Variants in DNAJA3 observed in about 807,000 individuals in gnomAD.
The protein encoded by DNAJA3 is dnaJ homolog subfamily A member 3, mitochondrial.
A neutral mutation model predicts 54.9 loss-of-function variants in DNAJA3; 29 were observed. The ratio of observed to expected loss-of-function variants is 0.53; its 90% CI spans 0.39 to 0.72. The LOEUF is 0.72. Ranked by LOEUF, DNAJA3 falls within the 30% of genes least tolerant of loss-of-function variation. The pLI is 0.00. For synonymous variants in DNAJA3, 302 were observed against 251.4 expected (o/e 1.20, Z -1.90); for missense variants, 708 against 639.4 (o/e 1.11, Z -1.16).
chr16:4,446,526 G>A (rs1213232510), intron 7 of DNAJA3, among the ~76,000 whole-genome samples: 1 of 151,900 alleles, frequency 6.6e-6, no homozygotes, highest in Non-Finnish European at 1.5e-5. Flanking sequence ...TTACAGGTGT[G>A]TGCCACTGTG....
intron 3 of DNAJA3, among the ~76,000 whole-genome samples, chr16:4,440,008 C>T (rs1024024949): frequency 6.0e-4 from 92 of 152,134 alleles, no homozygotes; most frequent in African/African-American, 2.1e-3. Flanking sequence ...TCACGGTTCA[C>T]TGCAGCCTCA....
At chr16:4,445,592 C>A (rs138914502) in intron 7 of DNAJA3, among the ~76,000 whole-genome samples, 3 of 152,084 alleles carry the variant, frequency 2.0e-5, no homozygotes, top group Non-Finnish European at 4.4e-5. Flanking sequence ...GCTTTGTTGC[C>A]TAGGATGAAA....
intron 10 of DNAJA3, among the ~76,000 whole-genome samples, 180 bp from the exon 11 acceptor site, chr16:4,454,631 C>CG (rs1171521256): frequency 2.0e-5 from 3 of 152,218 alleles, no homozygotes; most frequent in Non-Finnish European, 4.4e-5. Flanking sequence ...TCACCTCAGT[C>CG]GTCTGCAAGG....
chr16:4,444,536 A>G (rs1392154930), intron 6 of DNAJA3, 128 bp from the exon 7 acceptor site: 9 of 695,690 alleles, frequency 1.3e-5, no homozygotes, highest in South Asian at 1.7e-5. Flanking sequence ...AGGTTTCACC[A>G]TGTTGGCCAG....
intron 1 of DNAJA3, among the ~76,000 whole-genome samples, chr16:4,428,667 A>G (rs773470336): frequency 6.6e-6 from 1 of 152,154 alleles, no homozygotes; most frequent in Non-Finnish European, 1.5e-5. Flanking sequence ...ATAACCTGCC[A>G]TGGGCAAGTT....
At position 4,448,975 on chromosome 16, in the gene DNAJA3, G is replaced by A. The variant is rs147825102; in HGVS notation, c.1241+127G>A. 485 of 670,816 alleles carry A rather than the reference G, an allele frequency of 7.2e-4. 7 individuals are homozygous for A. The African/African-American group carries it at 7.8e-3, about 11-fold the overall frequency. 41.6% of individuals were successfully genotyped at this position (670,816 alleles called of 1,614,324 possible). A position where few individuals can be genotyped will look rare whatever the true frequency, so the allele number is the denominator to read the frequency against. Reference sequence around the variant, plus strand: ...TGGTTCCTGCCCGAGTTATCTGTCTGTAAAGTGGACATAGTAGAATGGTCA... The same window carrying A: ...TGGTTCCTGCCCGAGTTATCTGTCTATAAAGTGGACATAGTAGAATGGTCA... On this transcript the variant is annotated intron_variant, in intron 9 of 11. Coordinates refer to ENST00000262375, the MANE Select transcript of DNAJA3 (RefSeq NM_005147.6).
chr16:4,444,580 C>G, intron 6 of DNAJA3, 84 bp from the exon 7 acceptor site: 1 of 1,190,944 alleles, frequency 8.4e-7, no homozygotes, highest in Non-Finnish European at 1.2e-6. Context: ...ATGATCTGCC[C>G]GCCTCGGCCT....
intron 8 of DNAJA3, 139 bp from the exon 9 acceptor site, chr16:4,448,594 G>T (rs995516921): frequency 4.7e-6 from 3 of 642,028 alleles, no homozygotes; most frequent in African/African-American, 3.7e-5. Flanking sequence ...AGCCTGCCTC[G>T]ACCTCCCAAA....
intron 1 of DNAJA3, chr16:4,433,102 ACTGCACTCCAGCCTGGGC>A (rs1386590477): frequency 6.6e-6 from 1 of 152,296 alleles, no homozygotes; most frequent in Non-Finnish European, 1.5e-5. Flanking sequence ...GGATGGCGCC[ACTGCACTCCAGCCTGGGC>A]GACAGAGCGA....
intron 1 of DNAJA3, among the ~76,000 whole-genome samples, chr16:4,431,441 A>C (rs2141370467): frequency 6.6e-6 from 1 of 152,258 alleles, no homozygotes; most frequent in East Asian, 1.9e-4. Flanking sequence ...TTCTAATTTT[A>C]AGTATCCTGA....
chr16:4,453,433 C>CTT (rs1334470510), intron 10 of DNAJA3, among the ~76,000 whole-genome samples: 2 of 142,748 alleles, frequency 1.4e-5, no homozygotes, highest in Non-Finnish European at 1.5e-5. Flanking sequence ...CCTTGTTGTT[C>CTT]TTTTTTTTTT....
rs773439058 is a variant in DNAJA3, at chr16:4,448,700, C to G, written c.1126-33C>G. The stretch of plus-strand genomic sequence containing the variant: ...AACTTTTTATTTGAGCAACTGGGGA[C>G]CAGGGGAAACCACAGATTTTCTTTC... On this transcript the variant is annotated intron_variant, in intron 8 of 11. Coordinates refer to ENST00000262375, the MANE Select transcript of DNAJA3 (RefSeq NM_005147.6). 4 of 1,531,258 alleles carry G rather than the reference C, an allele frequency of 2.6e-6. No individual in the cohort carries two copies. The Admixed American group carries it at 5.1e-5, about 20-fold the overall frequency. The allele number at this position is 1,531,258 out of a possible 1,614,324, so 94.9% of individuals were successfully genotyped here. A position where few individuals can be genotyped will look rare whatever the true frequency, so the allele number is the denominator to read the frequency against.
At chr16:4,454,665 G>T in intron 10 of DNAJA3, 146 bp from the exon 11 acceptor site, 1 of 614,756 alleles carries the variant, frequency 1.6e-6, no homozygotes, top group Middle Eastern at 4.4e-4. Flanking sequence ...GCCATCTTAG[G>T]AGTGGCCCCC....
At chr16:4,450,979 C>T (rs995609126) in intron 10 of DNAJA3, among the ~76,000 whole-genome samples, 4 of 152,214 alleles carry the variant, frequency 2.6e-5, no homozygotes, top group Admixed American at 6.5e-5. Context: ...CTCCGTCCGC[C>T]GCTTTAGAGC....
chr16:4,426,055 A>C lies in DNAJA3; in HGVS notation c.174A>C (p.Arg58=). The C allele has an allele frequency of 1.9e-6, 3 of 1,603,648 alleles. No individual in the cohort carries two copies. Among genetic ancestry groups the C allele is most frequent in the Non-Finnish European group, 2.6e-6 (3 of 1,175,638 alleles). ...CTTCCCTGACCTCTTGCGGCCCCCG[A>C]GCGCTGCTGACATTGAGACCTGGTG... ...FASSLTSCGP[R]ALLTLRPGVS... is the part of the protein sequence containing the mutation. The change falls in exon 1 of 12, where the codon CGA becomes CGC. Residue 58 remains arginine, a synonymous_variant. Coordinates refer to ENST00000262375, the MANE Select transcript of DNAJA3 (RefSeq NM_005147.6).
chr16:4,430,091 T>C (rs1478154071), intron 1 of DNAJA3, among the ~76,000 whole-genome samples: 1 of 151,796 alleles, frequency 6.6e-6, no homozygotes, highest in Non-Finnish European at 1.5e-5. Context: ...GGAGGATTGC[T>C]GGAGTCCAGG....
intron 1 of DNAJA3, chr16:4,430,544 CAA>C (rs1300308544): frequency 7.2e-6 from 1 of 139,408 alleles, no homozygotes; most frequent in African/African-American, 2.7e-5. Flanking sequence ...GCCTGGGCAA[CAA>C]GAGCCAAACT....
chr16:4,451,535 T>A (rs1009968324), intron 10 of DNAJA3, among the ~76,000 whole-genome samples: 1 of 151,734 alleles, frequency 6.6e-6, no homozygotes, highest in Non-Finnish European at 1.5e-5. Flanking sequence ...GGCAGGTGGA[T>A]CACTTGAAGT....
intron 10 of DNAJA3, among the ~76,000 whole-genome samples, chr16:4,453,520 G>A (rs957181891): frequency 2.0e-5 from 3 of 151,222 alleles, no homozygotes; most frequent in Non-Finnish European, 4.4e-5. Flanking sequence ...TCACTGCAAC[G>A]CACTCTGCCT....
Sources: gnomAD v4.1 joint callset for allele counts (sites outside exome capture counted in the v4.1 genomes callset) on GRCh38, gnomAD v4.1.1 for gene constraint, MANE v1.5 for transcripts, NCBI Gene and HGNC (gene_info 2026-07-23, HGNC 2026-07-21) for gene names.